The following ACADM variants were observed in gnomAD, a reference collection of about 807,000 sequenced individuals.
ACADM encodes acyl-CoA dehydrogenase medium chain, also known as medium-chain specific acyl-CoA dehydrogenase, mitochondrial.
A neutral mutation model predicts 58.9 loss-of-function variants in ACADM; 49 were observed. The ratio of observed to expected loss-of-function variants is 0.83; its 90% CI spans 0.66 to 1.06. The LOEUF is 1.06. ACADM is among the 50% of genes least tolerant of loss of function. The pLI, the probability that ACADM is intolerant of heterozygous loss-of-function variation, is 0.00. For synonymous variants in ACADM, 160 were observed against 157.7 expected (o/e 1.01, Z -0.11); for missense variants, 496 against 507.0 (o/e 0.98, Z 0.21).
chr1:75,737,281 TATATATATATATATATATATA>T (rs1297785540), intron 6 of ACADM, among the ~76,000 whole-genome samples: 4 of 20,108 alleles, frequency 2.0e-4, no homozygotes, highest in African/African-American at 4.4e-4. Context: ...CACACACAAA[TATATATATATATATATATATA>T]TATATATATA....
intron 2 of ACADM, among the ~76,000 whole-genome samples, chr1:75,729,843 A>C (rs994204346): frequency 6.7e-6 from 1 of 150,246 alleles, no homozygotes; most frequent in Admixed American, 6.6e-5. Context: ...AGACTAAATG[A>C]AAGTTTTCAA....
Position 75,732,864 on chromosome 1 carries a change from C to T in ACADM, c.228C>T (p.Pro76=). 2 of 1,613,448 alleles carry T rather than the reference C, an allele frequency of 1.2e-6. No individual in the cohort carries two copies. Among genetic ancestry groups the T allele is most frequent in the South Asian group, 1.1e-5 (1 of 91,062 alleles). Residue 76 remains proline, a synonymous_variant, in exon 4 of 12, where the codon CCC becomes CCT. Coordinates refer to ENST00000370841, the MANE Select transcript of ACADM (RefSeq NM_000016.6). ...TCTTTTTCTTCTAGTATCCAGTCCCCCTAATTAGAAGAGCCTGGGAACTTG... is the reference window on the plus strand; with the variant it reads ...TCTTTTTCTTCTAGTATCCAGTCCCTCTAATTAGAAGAGCCTGGGAACTTG... ...EYDKTGEYPV[P]LIRRAWELGL...
chr1:75,751,397 G>A (rs1481446221), intron 10 of ACADM, among the ~76,000 whole-genome samples: 5 of 151,424 alleles, frequency 3.3e-5, no homozygotes, highest in Admixed American at 6.6e-5. Flanking sequence ...TTTGGGTGGT[G>A]TTATCTCTTT....
chr1:75,745,079 A>G (rs963716669), intron 7 of ACADM, among the ~76,000 whole-genome samples: 2 of 152,190 alleles, frequency 1.3e-5, no homozygotes, highest in Admixed American at 6.5e-5. Flanking sequence ...TGTATATACT[A>G]TGTTTTTTTC....
chr1:75,747,980 A>T (rs1000237620), intron 8 of ACADM, among the ~76,000 whole-genome samples: 1 of 152,190 alleles, frequency 6.6e-6, no homozygotes, highest in Non-Finnish European at 1.5e-5. Context: ...TTTCTAGGTC[A>T]AACTATCGTT....
Position 75,733,597 on chromosome 1 carries a change from T to A in ACADM, c.356T>A (p.Val119Asp), listed in dbSNP as rs1553123077. The A allele has an allele frequency of 6.2e-7, 1 of 1,613,958 alleles. No homozygotes were observed. The highest frequency in any genetic ancestry group is 8.5e-7 in the Non-Finnish European group (1 of 1,179,940). The stretch of plus-strand genomic sequence containing the variant: ...GAATTGGCTTATGGATGTACAGGGG[T>A]TCAGACTGCTATTGAAGGAAATTCT... ...SEELAYGCTG[V>D]QTAIEGNSLG... is the part of the protein sequence containing the mutation. Residue 119 changes from valine (V) to aspartate (D), a missense_variant, in exon 5 of 12, where the codon GTT (valine) becomes GAT (aspartate). By Grantham distance (152) the Val-to-Asp change is radical (BLOSUM62 -3). Transcript: ENST00000370841.
At position 75,733,015 on chromosome 1, in the gene ACADM, C is replaced by T. The variant is rs186349479; in HGVS notation, c.286+93C>T. On this transcript the variant is annotated intron_variant, in intron 4 of 11. Coordinates refer to ENST00000370841, the MANE Select transcript of ACADM (RefSeq NM_000016.6). ...GTCATTTTTTTCAAATATTTCTTGC[C>T]ATTAAATGACTTTCTACCTTTGTCT... 8 of 1,613,256 alleles carry T rather than the reference C, an allele frequency of 5.0e-6. No homozygotes were observed. In the African/African-American group the frequency reaches 6.7e-5, roughly 13 times the overall value.
At chr1:75,761,072 TTTAAG>T (rs759086609) in intron 10 of ACADM, 45 bp from the exon 11 acceptor site, 71 of 1,565,798 alleles carry the variant, frequency 4.5e-5, no homozygotes, top group Non-Finnish European at 6.0e-5. Context: ...GGAAAAAACT[TTTAAG>T]TTTTCTCAAT....
intron 11 of ACADM, among the ~76,000 whole-genome samples, chr1:75,761,884 C>G (rs997266736): frequency 6.6e-6 from 1 of 152,196 alleles, no homozygotes; most frequent in African/African-American, 2.4e-5. Flanking sequence ...TAAGTAATTA[C>G]TTAATAATTA....
chr1:75,735,572 G>A (rs142253883), intron 6 of ACADM, among the ~76,000 whole-genome samples: 3 of 152,106 alleles, frequency 2.0e-5, no homozygotes, highest in African/African-American at 4.8e-5. Context: ...ATTAATGTTG[G>A]CTGGTCGTGG....
intron 1 of ACADM, among the ~76,000 whole-genome samples, chr1:75,727,704 A>T (rs896639395): frequency 6.6e-6 from 1 of 152,180 alleles, no homozygotes; most frequent in African/African-American, 2.4e-5. Context: ...ACGTGTTTGT[A>T]AAGGAACGGA....
chr1:75,749,156 T>C (rs1439702171), intron 8 of ACADM, among the ~76,000 whole-genome samples: 1 of 152,226 alleles, frequency 6.6e-6, no homozygotes, highest in Non-Finnish European at 1.5e-5. Flanking sequence ...ATCCAAATTA[T>C]AAATATTTCA....
intron 10 of ACADM, among the ~76,000 whole-genome samples, chr1:75,757,040 C>A (rs1364611566): frequency 6.6e-6 from 1 of 152,008 alleles, no homozygotes; most frequent in Non-Finnish European, 1.5e-5. Flanking sequence ...CCTTCCTTAC[C>A]TTATATAAAA....
rs1557458542 is a variant in ACADM at position 75,750,524 on chromosome 1, C to G, written c.923C>G (p.Thr308Ser). Residue 308 changes from threonine to serine, a missense_variant, in exon 10 of 12, where the codon ACT becomes AGT. Transcript: ENST00000370841. Reference sequence around the variant, plus strand: ...ACCAAGTATGCCCTGGAAAGGAAAACTTTCGGAAAGCTACTTGTAGAGGTA... The same window carrying G: ...ACCAAGTATGCCCTGGAAAGGAAAAGTTTCGGAAAGCTACTTGTAGAGGTA... Reference protein sequence around the residue: ...EATKYALERKTFGKLLVEHQA... With the variant: ...EATKYALERKSFGKLLVEHQA... The G allele has an allele frequency of 6.2e-7, 1 of 1,612,088 alleles. No individual in the cohort carries two copies. Among genetic ancestry groups the G allele is most frequent in the South Asian group, 1.1e-5 (1 of 90,786 alleles).
rs1412827136 is a variant in ACADM at position 75,761,596 on chromosome 1, TGTATTAC to T, written c.1194+229_1194+235del. ...GGCTAAAAAAAATGGTACAGACATGTGTATTACGTTTGGATTAGATTTCTTTGAGTTT... is the reference window on the plus strand; with the variant it reads ...GGCTAAAAAAAATGGTACAGACATGTGTTTGGATTAGATTTCTTTGAGTTT... On this transcript the variant is annotated intron_variant, in intron 11 of 11. Coordinates refer to ENST00000370841, the MANE Select transcript of ACADM (RefSeq NM_000016.6). The T allele has an allele frequency of 3.8e-5, 21 of 546,540 alleles. No individual in the cohort carries two copies. The African/African-American group carries it at 4.0e-4, about 10-fold the overall frequency. The allele number at this position is 546,540 out of a possible 1,614,324, so 33.9% of individuals were successfully genotyped here. A position where few individuals can be genotyped will look rare whatever the true frequency, so the allele number is the denominator to read the frequency against.
chr1:75,734,933 C>A, intron 6 of ACADM, 62 bp downstream of exon 6: 1 of 1,236,772 alleles, frequency 8.1e-7, no homozygotes, highest in South Asian at 1.2e-5. Context: ...TGCTATTTCT[C>A]CTTTTCAGTC....
chr1:75,757,028 T>C (rs1648545620), intron 10 of ACADM, among the ~76,000 whole-genome samples: 1 of 152,168 alleles, frequency 6.6e-6, no homozygotes, highest in African/African-American at 2.4e-5. Context: ...TGAAACTGGA[T>C]CCCTTCCTTA....
chr1:75,728,704 G>A (rs981021956), intron 2 of ACADM, among the ~76,000 whole-genome samples: 1 of 152,124 alleles, frequency 6.6e-6, no homozygotes, highest in Admixed American at 6.5e-5. Flanking sequence ...TGTTTTAGCA[G>A]CATACATACA....
At chr1:75,757,911 T>C (rs561015536) in intron 10 of ACADM, among the ~76,000 whole-genome samples, 1 of 152,320 alleles carries the variant, frequency 6.6e-6, no homozygotes, top group African/African-American at 2.4e-5. Flanking sequence ...TTGCAAGTCC[T>C]GGACTCCAGA....
Sources: allele counts gnomAD v4.1 joint callset (sites outside exome capture counted in the v4.1 genomes callset), GRCh38; gene constraint gnomAD v4.1.1; transcripts MANE v1.5; gene names NCBI Gene and HGNC (gene_info 2026-07-23, HGNC 2026-07-21).